Variants in ZNF267 observed in about 807,000 individuals in gnomAD.
ZNF267 encodes zinc finger protein 267.
ZNF267 carries 61 observed loss-of-function variants against 71.6 expected under a neutral mutation model. The ratio of observed to expected loss-of-function variants is 0.85; its 90% CI spans 0.69 to 1.05. The LOEUF is 1.05. Ranked by LOEUF, ZNF267 falls within the 50% of genes least tolerant of loss-of-function variation. The pLI, the probability that ZNF267 is intolerant of heterozygous loss-of-function variation, is 0.00. For synonymous variants in ZNF267, 288 were observed against 293.2 expected (o/e 0.98, Z 0.18); for missense variants, 852 against 870.0 (o/e 0.98, Z 0.26).
intron 3 of ZNF267, among the ~76,000 whole-genome samples, chr16:31,891,847 G>T (rs2083962531): frequency 1.3e-5 from 2 of 152,204 alleles, no homozygotes; most frequent in Non-Finnish European, 2.9e-5. Flanking sequence ...CCAGTAGAGT[G>T]AGGTGCTGCT....
At chr16:31,889,271 G>T (rs2083944678) in intron 3 of ZNF267, among the ~76,000 whole-genome samples, 5 of 141,180 alleles carry the variant, frequency 3.5e-5, no homozygotes, top group African/African-American at 5.2e-5. Flanking sequence ...CTCTCTCTTT[G>T]CTCTAATTTT....
intron 3 of ZNF267, among the ~76,000 whole-genome samples, chr16:31,890,997 T>C (rs1337646452): frequency 6.6e-6 from 1 of 152,164 alleles, no homozygotes; most frequent in Non-Finnish European, 1.5e-5. Context: ...ACAGTTTTAT[T>C]GTTTTCTGTT....
Position 31,914,471 on chromosome 16 carries a change from T to C in ZNF267, c.227-5T>C. On this transcript the variant is annotated splice_polypyrimidine_tract_variant and splice_region_variant and intron_variant, in intron 3 of 3. Coordinates refer to ENST00000300870, the MANE Select transcript of ZNF267 (RefSeq NM_003414.6). Reference sequence around the variant, plus strand: ...TGGAATTCTTAAAATTTTTATATCTTTCAGATGTGTTTTCGCATTATAACA... The same window carrying C: ...TGGAATTCTTAAAATTTTTATATCTCTCAGATGTGTTTTCGCATTATAACA... 2 of 1,559,476 alleles carry C rather than the reference T, an allele frequency of 1.3e-6. No homozygotes were observed. The highest frequency in any genetic ancestry group is 1.7e-6 in the Non-Finnish European group (2 of 1,157,738).
At chr16:31,885,673 T>C (rs139178009) in intron 3 of ZNF267, among the ~76,000 whole-genome samples, 2,788 of 152,316 alleles carry the variant, frequency 0.018, 95 homozygotes, top group African/African-American at 0.064. Context: ...TTCAGAAGTC[T>C]CAGGAATTCT....
Position 31,915,381 on chromosome 16 carries a change from A to G in ZNF267, c.1132A>G (p.Asn378Asp). 6.2e-7 allele frequency: 1 copy of G among 1,613,610 alleles called. No homozygotes were observed. The highest frequency in any genetic ancestry group is 8.5e-7 in the Non-Finnish European group (1 of 1,179,810). Reference sequence around the variant, plus strand: ...ACAGCAGCAAATTGATACTGGAGAAAACCTTTACAAATGTAAAGCATGTAG... The same window carrying G: ...ACAGCAGCAAATTGATACTGGAGAAGACCTTTACAAATGTAAAGCATGTAG... Reference protein sequence around the residue: ...TKQQQIDTGENLYKCKACSKS... With the variant: ...TKQQQIDTGEDLYKCKACSKS... The change falls in exon 4 of 4, where the codon AAC becomes GAC. Residue 378 changes from asparagine (N) to aspartate (D), a missense_variant. Asn to Asp is a conservative substitution (Grantham distance 23). Coordinates refer to ENST00000300870, the MANE Select transcript of ZNF267 (RefSeq NM_003414.6).
At chr16:31,874,266 T>C (rs2142325098) in intron 1 of ZNF267, 2 of 391,534 alleles carry the variant, frequency 5.1e-6, no homozygotes, top group Non-Finnish European at 9.3e-6. Context: ...GATTGTGCGG[T>C]GAGGACGGGA....
chr16:31,885,521 T>G (rs889773051), intron 3 of ZNF267, among the ~76,000 whole-genome samples: 8 of 152,202 alleles, frequency 5.3e-5, no homozygotes, highest in Admixed American at 4.6e-4. Flanking sequence ...GAGGGCCTGC[T>G]TGATCTGACT....
At chr16:31,900,566 T>C (rs2084031874) in intron 3 of ZNF267, among the ~76,000 whole-genome samples, 1 of 152,044 alleles carries the variant, frequency 6.6e-6, no homozygotes, top group Non-Finnish European at 1.5e-5. Flanking sequence ...TGCCTCAGCC[T>C]CTTGAGTAGC....
intron 3 of ZNF267, chr16:31,895,006 G>A (rs536902393): frequency 5.7e-5 from 18 of 314,620 alleles, no homozygotes; most frequent in South Asian, 2.3e-4. Context: ...ATGAAACTGC[G>A]TCTGGCTGTG....
chr16:31,906,631 G>T (rs989526789), intron 3 of ZNF267, among the ~76,000 whole-genome samples: 1 of 152,296 alleles, frequency 6.6e-6, no homozygotes, highest in Admixed American at 6.5e-5. Context: ...TTGGAAAAGC[G>T]CTGTATTAGG....
chr16:31,915,504 T>C lies in ZNF267; in HGVS notation c.1255T>C (p.Cys419Arg). The C allele has an allele frequency of 6.2e-7, 1 of 1,613,560 alleles. No individual in the cohort carries two copies. Among genetic ancestry groups the C allele is most frequent in the Non-Finnish European group, 8.5e-7 (1 of 1,179,844 alleles). Residue 419 changes from cysteine to arginine, a missense_variant, in exon 4 of 4, where the codon TGT becomes CGT. By Grantham distance (180) the Cys-to-Arg change is radical. Transcript: ENST00000300870. ...TAAAGAATGTGGCAAAGCCTTTCGC[T>C]GTAGTTCATACCTTACTAAACATAA... ...KCKECGKAFR[C>R]SSYLTKHKRI...
rs780680500 is a variant in ZNF267 at position 31,914,884 on chromosome 16, G to T, written c.635G>T (p.Gly212Val). The change falls in exon 4 of 4, where the codon GGA becomes GTA. Residue 212 changes from glycine to valine, a missense_variant. Gly to Val is a moderately radical substitution (Grantham distance 109, BLOSUM62 -3). Coordinates refer to ENST00000300870, the MANE Select transcript of ZNF267 (RefSeq NM_003414.6). ...AATAGTTACCGAAATGTTTTTATTG[G>T]AGAGAAAAATTATCATTGCAATAAT... ...TLNSYRNVFI[G>V]EKNYHCNNSE... 1 of 1,612,112 alleles carries T rather than the reference G, an allele frequency of 6.2e-7. No individual in the cohort carries two copies. The highest frequency in any genetic ancestry group is 1.1e-5 in the South Asian group (1 of 90,256).
At chr16:31,903,422 CT>C (rs1175882590) in intron 3 of ZNF267, among the ~76,000 whole-genome samples, 1 of 152,018 alleles carries the variant, frequency 6.6e-6, no homozygotes, top group South Asian at 2.1e-4. Flanking sequence ...TGGTCCTGGA[CT>C]TTTTTGGTTG....
intron 3 of ZNF267, among the ~76,000 whole-genome samples, chr16:31,892,884 T>G (rs990080872): frequency 6.6e-6 from 1 of 152,222 alleles, no homozygotes; most frequent in Non-Finnish European, 1.5e-5. Flanking sequence ...GTCTGCAGCT[T>G]TTTCAGGTGT....
At chr16:31,890,675 T>C (rs2083954130) in intron 3 of ZNF267, among the ~76,000 whole-genome samples, 1 of 152,228 alleles carries the variant, frequency 6.6e-6, no homozygotes, top group Non-Finnish European at 1.5e-5. Flanking sequence ...GAAAACGACA[T>C]TGTTATCTGG....
chr16:31,875,168 C>T lies in ZNF267; in HGVS notation c.3+1199C>T, dbSNP rs1219246753. ...ACTTTACAGGGCCCTGTATAGCCAC[C>T]CTCTATCCAGTCTTTTCCTGTTCCT... On this transcript the variant is annotated intron_variant, in intron 1 of 3. Coordinates refer to ENST00000300870, the MANE Select transcript of ZNF267 (RefSeq NM_003414.6). The T allele has an allele frequency of 3.9e-6, 5 of 1,289,022 alleles. No homozygotes were observed. The East Asian group carries it at 2.2e-4, about 57-fold the overall frequency. The allele number at this position is 1,289,022 out of a possible 1,614,324, so 79.8% of individuals were successfully genotyped here. A position where few individuals can be genotyped will look rare whatever the true frequency, so the allele number is the denominator to read the frequency against.
chr16:31,915,004 T>C lies in ZNF267; in HGVS notation c.755T>C (p.Val252Ala), dbSNP rs766403216. The C allele has an allele frequency of 1.9e-6, 3 of 1,609,070 alleles. No individual in the cohort carries two copies. The highest frequency in any genetic ancestry group is 2.2e-5 in the South Asian group (2 of 89,468). ...KQYKCKEFEEVFLQSMHGQEK... is the reference protein window; with the variant it reads ...KQYKCKEFEEAFLQSMHGQEK... ...TACAAATGTAAAGAATTTGAGGAAG[T>C]CTTTCTTCAGAGTATGCATGGGCAA... The change falls in exon 4 of 4, where the codon GTC (valine) becomes GCC (alanine). Residue 252 changes from valine (V) to alanine (A), a missense_variant. By Grantham distance (64) the Val-to-Ala change is moderately conservative. Transcript: ENST00000300870.
intron 3 of ZNF267, among the ~76,000 whole-genome samples, chr16:31,886,929 G>T (rs2083928161): frequency 1.3e-5 from 2 of 152,004 alleles, no homozygotes; most frequent in African/African-American, 4.8e-5. Flanking sequence ...TTTTTTTGAG[G>T]TGCCTTCGTG....
chr16:31,906,290 A>G (rs1055878108), intron 3 of ZNF267, among the ~76,000 whole-genome samples: 2 of 151,978 alleles, frequency 1.3e-5, no homozygotes, highest in African/African-American at 4.8e-5. Context: ...GAGAACCACT[A>G]CTCTCTTCAA....
Sources: gnomAD v4.1 joint callset for allele counts (sites outside exome capture counted in the v4.1 genomes callset) on GRCh38, gnomAD v4.1.1 for gene constraint, MANE v1.5 for transcripts, NCBI Gene and HGNC (gene_info 2026-07-23, HGNC 2026-07-21) for gene names.